MYO16: variants seen among roughly 807,000 people sequenced by gnomAD.
MYO16 encodes myosin XVI.
Under a neutral mutation model 205.3 loss-of-function variants are expected in MYO16, and 94 were observed. The observed-to-expected ratio is 0.46, with a 90% confidence interval of 0.39 to 0.54. The LOEUF (loss-of-function observed/expected upper bound fraction) is 0.54. Ranked by LOEUF, MYO16 falls within the 20% of genes least tolerant of loss-of-function variation. The pLI, the probability that MYO16 is intolerant of heterozygous loss-of-function variation, is 0.00. For missense variants in MYO16, 2,315 were observed against 2,387.5 expected, an observed-to-expected ratio of 0.97 and a Z score of 0.63; for synonymous variants, 988 against 954.0, an observed-to-expected ratio of 1.04 and a Z score of -0.66.
chr13:109,105,740 A>G (rs938994666), intron 28 of MYO16, among the ~76,000 whole-genome samples: 5 of 152,210 alleles, frequency 3.3e-5, no homozygotes, highest in African/African-American at 1.2e-4. Flanking sequence ...TTGTGTTCCA[A>G]TATATAATTT....
chr13:108,627,679 GA>G (rs1566513192), upstream of MYO16, among the ~76,000 whole-genome samples: 2 of 152,058 alleles, frequency 1.3e-5, no homozygotes, highest in Admixed American at 6.6e-5. Context: ...TTAAGTTATT[GA>G]AAAAAGTAGG....
At chr13:109,104,258 G>T (rs1036325258) in intron 28 of MYO16, among the ~76,000 whole-genome samples, 10 of 152,092 alleles carry the variant, frequency 6.6e-5, no homozygotes, top group Admixed American at 6.6e-4. Flanking sequence ...ACTTGGAAGG[G>T]GTAGATTATG....
At chr13:109,003,457 GTT>G (rs746820863) in intron 21 of MYO16, among the ~76,000 whole-genome samples, 60 of 152,308 alleles carry the variant, frequency 3.9e-4, no homozygotes, top group Non-Finnish European at 2.6e-4. Context: ...GACGCTGTAG[GTT>G]TTATCAATCA....
chr13:109,060,701 A>G (rs1468407711), intron 27 of MYO16, among the ~76,000 whole-genome samples: 2 of 152,180 alleles, frequency 1.3e-5, no homozygotes, highest in Non-Finnish European at 2.9e-5. Flanking sequence ...TATTCCATTT[A>G]TATAGCAAAG....
intron 20 of MYO16, among the ~76,000 whole-genome samples, chr13:108,987,584 T>C (rs1381974147): frequency 6.6e-6 from 1 of 152,232 alleles, no homozygotes; most frequent in Non-Finnish European, 1.5e-5. Context: ...TTTCTGGCAC[T>C]AGCCTCTATG....
At chr13:108,831,648 G>C (rs562781028) in intron 9 of MYO16, among the ~76,000 whole-genome samples, 3 of 152,258 alleles carry the variant, frequency 2.0e-5, no homozygotes, top group African/African-American at 7.2e-5. Context: ...AAGTAGCTGG[G>C]ATTACAGGCA....
chr13:108,662,538 G>A (rs540472525), intron 1 of MYO16, among the ~76,000 whole-genome samples: 107 of 152,210 alleles, frequency 7.0e-4, no homozygotes, highest in Middle Eastern at 3.4e-3. Context: ...CCTCTGTTGA[G>A]TCATGCAGGT....
chr13:108,607,253 G>A (rs906279873), intron 1 of MYO16, among the ~76,000 whole-genome samples: 1 of 152,140 alleles, frequency 6.6e-6, no homozygotes. Flanking sequence ...TTTGAAACGT[G>A]AGAAATATGA....
chr13:109,041,640 G>A (rs1012827294), intron 23 of MYO16, among the ~76,000 whole-genome samples: 2 of 152,138 alleles, frequency 1.3e-5, no homozygotes, highest in Admixed American at 6.5e-5. Flanking sequence ...CTGCATTAAT[G>A]TCAATATCCT....
At chr13:109,144,628 G>A (rs80310374) in intron 32 of MYO16, among the ~76,000 whole-genome samples, 2,549 of 151,990 alleles carry the variant, frequency 0.017, 64 homozygotes, top group African/African-American at 0.057. Flanking sequence ...TATTTTCACC[G>A]TGAAATAGCT....
intron 34 of MYO16, 29 bp from the exon 35 acceptor site, chr13:109,206,580 T>C: frequency 6.5e-7 from 1 of 1,542,770 alleles, no homozygotes; most frequent in Non-Finnish European, 8.9e-7. Context: ...TGGTGCTACC[T>C]GTTTTTTCTG....
At chr13:108,850,628 C>T (rs961251784) in intron 10 of MYO16, among the ~76,000 whole-genome samples, 3 of 152,192 alleles carry the variant, frequency 2.0e-5, no homozygotes, top group Non-Finnish European at 4.4e-5. Context: ...AAAACATTCA[C>T]AGACATATTT....
the MYO16 span, among the ~76,000 whole-genome samples, chr13:108,499,973 C>G: frequency 1.7e-5 from 2 of 120,938 alleles, no homozygotes; most frequent in African/African-American, 5.1e-5. Flanking sequence ...CCCCTCTCTC[C>G]CTCTGCTCCG....
At chr13:108,677,356 CAT>C (rs200135645) in intron 2 of MYO16, among the ~76,000 whole-genome samples, 2,158 of 98,444 alleles carry the variant, frequency 0.022, 26 homozygotes, top group East Asian at 0.049. Context: ...TATATATATG[CAT>C]ATATATATAT....
chr13:108,937,086 A>C (rs766738659), intron 16 of MYO16, among the ~76,000 whole-genome samples: 1 of 152,076 alleles, frequency 6.6e-6, no homozygotes, highest in Non-Finnish European at 1.5e-5. Context: ...AAAATATTTT[A>C]TTTCCCCTTT....
At chr13:109,193,864 A>G (rs1880034074) in intron 34 of MYO16, among the ~76,000 whole-genome samples, 1 of 152,168 alleles carries the variant, frequency 6.6e-6, no homozygotes, top group African/African-American at 2.4e-5. Flanking sequence ...TTTTATAATA[A>G]TTATATACAT....
rs113906044 is a variant in MYO16, at chr13:109,065,289, A to C, written c.3335+9694A>C. On this transcript the variant is annotated intron_variant, in intron 27 of 34. Coordinates refer to ENST00000457511, the MANE Select transcript of MYO16 (RefSeq NM_001198950.3). ...ACTTGAAACCAACCCAGATATGTTC[A>C]ATGGGGAGCATCCATGTATAGCCCC... Among the ~76,000 whole-genome samples the C allele has an allele frequency of 4.3e-3, 658 of 152,282 alleles. 3 individuals carry two copies. Among genetic ancestry groups the C allele is most frequent in the African/African-American group, 0.014 (583 of 41,552 alleles).
the MYO16 span, among the ~76,000 whole-genome samples, chr13:108,567,250 G>C: frequency 6.6e-6 from 1 of 152,232 alleles, no homozygotes; most frequent in East Asian, 1.9e-4. Context: ...GAGCAGTTAA[G>C]GGAAGTGTCA....
At chr13:108,495,722 G>T in the MYO16 span, among the ~76,000 whole-genome samples, 1 of 150,766 alleles carries the variant, frequency 6.6e-6, no homozygotes. Context: ...GGTCGCAGAG[G>T]CGGGCAGAGA....
Sources: allele counts gnomAD v4.1 joint callset (sites outside exome capture counted in the v4.1 genomes callset), GRCh38; gene constraint gnomAD v4.1.1; transcripts MANE v1.5; gene names NCBI Gene and HGNC (gene_info 2026-07-23, HGNC 2026-07-21).